Variants in PUM3 observed in about 807,000 individuals in gnomAD.
PUM3 encodes pumilio RNA binding family member 3.
A neutral mutation model predicts 84.0 loss-of-function variants in PUM3; 91 were observed. The ratio of observed to expected loss-of-function variants is 1.08; its 90% CI spans 0.91 to 1.29. The LOEUF is 1.29. Ranked by LOEUF, PUM3 falls within the 50% of genes most tolerant of loss-of-function variation. The pLI, the probability that PUM3 is intolerant of heterozygous loss-of-function variation, is 0.00. For missense variants in PUM3, 1,067 were observed against 767.5 expected (o/e 1.39, Z -4.61); for synonymous variants, 321 against 266.7 (o/e 1.20, Z -1.98).
At chr9:2,807,942 T>G in intron 16 of PUM3, 38 bp from the exon 17 acceptor site, 1 of 1,263,968 alleles carries the variant, frequency 7.9e-7, no homozygotes, top group Non-Finnish European at 1.2e-6. Context: ...CATCACATAA[T>G]AAGATATATA....
chr9:2,843,601 C>CG (rs942179347), intron 1 of PUM3, among the ~76,000 whole-genome samples: 31 of 118,994 alleles, frequency 2.6e-4, no homozygotes, highest in Admixed American at 9.2e-4. Context: ...TTTTTTGAGA[C>CG]GGAGTCTTGC....
At chr9:2,832,409 CA>C (rs1208982588) in intron 5 of PUM3, among the ~76,000 whole-genome samples, 1 of 152,126 alleles carries the variant, frequency 6.6e-6, no homozygotes, top group African/African-American at 2.4e-5. Context: ...ATCAAATATA[CA>C]ACACGGATGA....
At position 2,829,883 on chromosome 9, in the gene PUM3, T is replaced by TGCCGCAGCATCTTCCTCAC. The variant is rs1176653049; in HGVS notation, c.724_742dup (p.His248ArgfsTer20). 6.2e-7 allele frequency: 1 copy of TGCCGCAGCATCTTCCTCAC among 1,614,118 alleles called. No homozygotes were observed. Among genetic ancestry groups the TGCCGCAGCATCTTCCTCAC allele is most frequent in the Admixed American group, 1.7e-5 (1 of 60,024 alleles). On this transcript the variant is annotated frameshift_variant, in exon 8 of 18. Transcript: ENST00000397885. LOFTEE classifies it high-confidence loss of function. ...CTCCACGATGGCTGATGCTTCCGCATGCCGCAGCATCTTCCTCACGTGGCC... is the reference window on the plus strand; with the variant it reads ...CTCCACGATGGCTGATGCTTCCGCATGCCGCAGCATCTTCCTCACGCCGCAGCATCTTCCTCACGTGGCC...
intron 10 of PUM3, among the ~76,000 whole-genome samples, chr9:2,826,535 C>A (rs1327804773): frequency 6.6e-6 from 1 of 152,148 alleles, no homozygotes; most frequent in Non-Finnish European, 1.5e-5. Flanking sequence ...ACAATGAGCT[C>A]ACTGTATGAT....
Position 2,837,324 on chromosome 9 carries a change from C to A in PUM3, c.160G>T (p.Glu54Ter). ...GGPKVTSRNF[E>*]KSITKLGKKG... ...TTCCCAAGTTTTGTGATACTTTTCT[C>A]AAAGTTCCTAGATGTGACTTTAGGT... Residue 54 changes from glutamate (E) to a stop codon, truncating the protein, a stop_gained, in exon 3 of 18, where the codon GAG becomes TAG. Transcript: ENST00000397885. LOFTEE classifies it high-confidence loss of function. The A allele has an allele frequency of 1.2e-6, 2 of 1,614,036 alleles. No homozygotes were observed. The highest frequency in any genetic ancestry group is 1.3e-5 in the African/African-American group (1 of 75,018).
rs117469830 is a variant in PUM3, at chr9:2,831,604, G to C, written c.517-260C>G. 2.0e-4 allele frequency among the ~76,000 whole-genome samples: 31 copies of C among 152,222 alleles called. 1 individual carries two copies. The East Asian group carries it at 6.0e-3, about 29-fold the overall frequency. ...ACCATTTTGCAAGACTCCTCTCATTGCAATTAAAACCAAAGCAAACCAAAC... is the reference window on the plus strand; with the variant it reads ...ACCATTTTGCAAGACTCCTCTCATTCCAATTAAAACCAAAGCAAACCAAAC... On this transcript the variant is annotated intron_variant, in intron 5 of 17. Coordinates refer to ENST00000397885, the MANE Select transcript of PUM3 (RefSeq NM_014878.5).
chr9:2,807,956 C>G (rs1231804438), intron 16 of PUM3, 52 bp from the exon 17 acceptor site: 1 of 1,145,074 alleles, frequency 8.7e-7, no homozygotes, highest in South Asian at 1.3e-5. Context: ...ATATATACTC[C>G]CTACCCCCTT....
intron 2 of PUM3, among the ~76,000 whole-genome samples, chr9:2,838,207 T>C (rs959884152): frequency 6.6e-6 from 1 of 152,178 alleles, no homozygotes; most frequent in Admixed American, 6.5e-5. Context: ...ACAACTGAGA[T>C]AAGGAGTCTT....
At position 2,804,442 on chromosome 9, in the gene PUM3, C is replaced by T; in HGVS notation, c.1836G>A (p.Leu612=). Residue 612 remains leucine (L), a synonymous_variant, in exon 18 of 18, where the codon CTG becomes CTA. Coordinates refer to ENST00000397885, the MANE Select transcript of PUM3 (RefSeq NM_014878.5). ...CAGCTTTGACTTTGTTTGCAACTTC[C>T]AGGTCACAACTCTGGAGGAGGCTGA... The part of the protein sequence containing the change: ...ILSSLLQSCD[L]EVANKVKAAL... The T allele has an allele frequency of 6.2e-7, 1 of 1,613,752 alleles. No individual in the cohort carries two copies. The highest frequency in any genetic ancestry group is 1.3e-5 in the African/African-American group (1 of 75,016).
At chr9:2,840,612 G>A (rs1446279863) in intron 1 of PUM3, among the ~76,000 whole-genome samples, 1 of 152,156 alleles carries the variant, frequency 6.6e-6, no homozygotes, top group Non-Finnish European at 1.5e-5. Flanking sequence ...TATAGTCTCA[G>A]ATATTTATTT....
chr9:2,809,963 A>G (rs1821331201), intron 16 of PUM3, among the ~76,000 whole-genome samples: 1 of 152,074 alleles, frequency 6.6e-6, no homozygotes, highest in Non-Finnish European at 1.5e-5. Flanking sequence ...ATGCCTTTCT[A>G]CTGAGGTAAT....
chr9:2,824,659 CA>C, intron 11 of PUM3, 57 bp downstream of exon 11: 1 of 1,095,462 alleles, frequency 9.1e-7, no homozygotes, highest in Non-Finnish European at 1.2e-6. Context: ...GTCAAGCCTG[CA>C]GATAAAGCAT....
intron 13 of PUM3, among the ~76,000 whole-genome samples, chr9:2,814,130 G>T (rs1821423029): frequency 6.6e-6 from 1 of 152,096 alleles, no homozygotes; most frequent in African/African-American, 2.4e-5. Flanking sequence ...GTAACAAACG[G>T]GAAAACACAC....
intron 1 of PUM3, among the ~76,000 whole-genome samples, chr9:2,841,422 G>A (rs1396744086): frequency 1.3e-5 from 2 of 152,102 alleles, no homozygotes; most frequent in African/African-American, 2.4e-5. Flanking sequence ...AAATTTAGCT[G>A]GGCATGGTGG....
chr9:2,826,970 A>G (rs920824062), intron 10 of PUM3, 103 bp downstream of exon 10: 1 of 800,408 alleles, frequency 1.2e-6, no homozygotes, highest in Non-Finnish European at 2.0e-6. Context: ...TAAGGAAGCA[A>G]CTCTAAAATT....
chr9:2,827,020 C>G, intron 10 of PUM3, 53 bp downstream of exon 10: 2 of 1,438,126 alleles, frequency 1.4e-6, no homozygotes, highest in Non-Finnish European at 1.9e-6. Flanking sequence ...TTTCAAATTT[C>G]TACACCGCTC....
intron 17 of PUM3, among the ~76,000 whole-genome samples, chr9:2,805,278 C>G (rs1029738479): frequency 6.6e-6 from 1 of 152,072 alleles, no homozygotes; most frequent in African/African-American, 2.4e-5. Context: ...AAACCCTGCC[C>G]GAGTACTCTA....
chr9:2,816,629 G>C (rs557388053), intron 13 of PUM3, among the ~76,000 whole-genome samples: 2 of 152,218 alleles, frequency 1.3e-5, no homozygotes, highest in African/African-American at 2.4e-5. Context: ...GTGTGCTCTC[G>C]CCATTTCCTA....
At chr9:2,840,121 G>C (rs1026122921) in intron 1 of PUM3, among the ~76,000 whole-genome samples, 1 of 152,222 alleles carries the variant, frequency 6.6e-6, no homozygotes, top group African/African-American at 2.4e-5. Context: ...AAGACTACCA[G>C]AGGTCAAGCT....
Sources: gnomAD v4.1 joint callset for allele counts (sites outside exome capture counted in the v4.1 genomes callset) on GRCh38, gnomAD v4.1.1 for gene constraint, MANE v1.5 for transcripts, NCBI Gene and HGNC (gene_info 2026-07-23, HGNC 2026-07-21) for gene names.